Variants in SERPINI1 observed in about 807,000 individuals in gnomAD.
SERPINI1 encodes the protein neuroserpin.
SERPINI1 carries 19 observed loss-of-function variants against 41.1 expected under a neutral mutation model. The observed-to-expected ratio is 0.46, with a 90% CI of 0.32 to 0.68. The LOEUF is 0.68. Ranked by LOEUF, SERPINI1 falls within the 30% of genes least tolerant of loss-of-function variation. The pLI, the probability that SERPINI1 is intolerant of heterozygous loss-of-function variation, is 0.03. For synonymous variants in SERPINI1, 138 were observed against 156.6 expected (o/e 0.88, Z 0.89); for missense variants, 460 against 479.2 (o/e 0.96, Z 0.37).
chr3:167,791,901 G>A (rs1727528234), intron 3 of SERPINI1, among the ~76,000 whole-genome samples: 1 of 152,174 alleles, frequency 6.6e-6, no homozygotes, highest in Admixed American at 6.5e-5. Flanking sequence ...AAGTGGAGTG[G>A]ATCACTTGAG....
chr3:167,741,843 C>T (rs1032304864), intron 1 of SERPINI1, among the ~76,000 whole-genome samples: 7 of 152,160 alleles, frequency 4.6e-5, no homozygotes, highest in African/African-American at 1.7e-4. Flanking sequence ...TGTCCTTTGA[C>T]ATACAATACC....
chr3:167,774,823 G>A (rs968445967), intron 1 of SERPINI1, among the ~76,000 whole-genome samples: 3 of 151,996 alleles, frequency 2.0e-5, no homozygotes, highest in Non-Finnish European at 4.4e-5. Context: ...CCTGTCCCTG[G>A]TGCCCAAAAG....
intron 3 of SERPINI1, among the ~76,000 whole-genome samples, chr3:167,792,054 G>A (rs550770158): frequency 1.3e-5 from 2 of 152,290 alleles, no homozygotes; most frequent in East Asian, 3.9e-4. Context: ...GAACCCAGGA[G>A]ACAGAGTTTG....
intron 5 of SERPINI1, among the ~76,000 whole-genome samples, chr3:167,802,955 T>C (rs1311578016): frequency 6.6e-6 from 1 of 150,920 alleles, no homozygotes; most frequent in Non-Finnish European, 1.5e-5. Flanking sequence ...CCATAAAAAA[T>C]GATGAGTTCA....
chr3:167,744,701 TATATATA>T (rs1559992887), intron 1 of SERPINI1, among the ~76,000 whole-genome samples: 3 of 108,614 alleles, frequency 2.8e-5, no homozygotes, highest in African/African-American at 1.1e-4. Flanking sequence ...CATATATAAA[TATATATA>T]AAATATATAT....
At chr3:167,813,811 G>A (rs1418207082) in intron 6 of SERPINI1, among the ~76,000 whole-genome samples, 1 of 152,028 alleles carries the variant, frequency 6.6e-6, no homozygotes, top group Non-Finnish European at 1.5e-5. Context: ...ATACCGAGTG[G>A]GTGAGTGTTG....
chr3:167,821,770 C>G (rs930138625), intron 6 of SERPINI1, among the ~76,000 whole-genome samples: 3 of 152,146 alleles, frequency 2.0e-5, no homozygotes, highest in Non-Finnish European at 4.4e-5. Flanking sequence ...TGTAAATATA[C>G]AAACATATAT....
At chr3:167,811,717 T>C (rs906666407) in intron 6 of SERPINI1, among the ~76,000 whole-genome samples, 2 of 152,060 alleles carry the variant, frequency 1.3e-5, no homozygotes, top group Admixed American at 1.3e-4. Context: ...AAAAAACTTT[T>C]AAAAAATACC....
chr3:167,797,974 A>G lies in SERPINI1; in HGVS notation c.881+3150A>G, dbSNP rs76790536. Among the ~76,000 whole-genome samples, 984 of 152,212 alleles carry G rather than the reference A, an allele frequency of 6.5e-3. 7 individuals are homozygous for G. Among genetic ancestry groups the G allele is most frequent in the Middle Eastern group, 0.041 (12 of 294 alleles). On this transcript the variant is annotated intron_variant, in intron 5 of 8. Transcript: ENST00000446050. The stretch of plus-strand genomic sequence containing the variant: ...GAAGAATTCTTTTTGATAAAATGAG[A>G]AATTCAGTACAGTGTTAATGCTTCT...
rs1275755742 is a variant in SERPINI1, at chr3:167,789,269, C to G, written c.141C>G (p.Leu47=). 1 of 1,614,120 alleles carries G rather than the reference C, an allele frequency of 6.2e-7. No individual in the cohort carries two copies. Among genetic ancestry groups the G allele is most frequent in the Non-Finnish European group, 8.5e-7 (1 of 1,180,008 alleles). ...CCACTGGTGAAGATGAAAATATTCT[C>G]TTCTCTCCATTGAGTATTGCTCTTG... The part of the protein sequence containing the change: ...LRATGEDENI[L]FSPLSIALAM... Residue 47 remains leucine, a synonymous_variant, in exon 2 of 9, where the codon CTC becomes CTG. Coordinates refer to ENST00000446050, the MANE Select transcript of SERPINI1 (RefSeq NM_001122752.2).
chr3:167,813,905 G>A (rs922930265), intron 6 of SERPINI1, among the ~76,000 whole-genome samples: 1 of 152,238 alleles, frequency 6.6e-6, no homozygotes, highest in South Asian at 2.1e-4. Context: ...CAGCCACACA[G>A]CCCCTTCTTT....
intron 1 of SERPINI1, among the ~76,000 whole-genome samples, chr3:167,739,594 A>G (rs1402985944): frequency 6.6e-6 from 1 of 152,204 alleles, no homozygotes; most frequent in Non-Finnish European, 1.5e-5. Context: ...TCTTAATTTC[A>G]CAGACAGAAA....
chr3:167,805,246 G>T (rs1219552445), intron 5 of SERPINI1, among the ~76,000 whole-genome samples: 1 of 152,132 alleles, frequency 6.6e-6, no homozygotes, highest in Non-Finnish European at 1.5e-5. Context: ...CATTCTGACT[G>T]GCGTGAGATG....
chr3:167,799,752 G>A (rs1004703952), intron 5 of SERPINI1, among the ~76,000 whole-genome samples: 1 of 152,156 alleles, frequency 6.6e-6, no homozygotes. Flanking sequence ...GCATGAGATG[G>A]TGGTATCTTA....
At chr3:167,807,404 T>G in intron 6 of SERPINI1, 63 bp downstream of exon 6, 1 of 1,053,310 alleles carries the variant, frequency 9.5e-7, no homozygotes, top group Non-Finnish European at 1.5e-6. Flanking sequence ...AATGATGATA[T>G]TAAATCCTCT....
intron 6 of SERPINI1, among the ~76,000 whole-genome samples, chr3:167,817,964 A>C (rs1712171252): frequency 6.6e-6 from 1 of 152,052 alleles, no homozygotes; most frequent in East Asian, 1.9e-4. Flanking sequence ...CATTTTCAAA[A>C]TTATTCGCAT....
At chr3:167,814,339 T>TA (rs1304363378) in intron 6 of SERPINI1, among the ~76,000 whole-genome samples, 9 of 152,294 alleles carry the variant, frequency 5.9e-5, no homozygotes, top group African/African-American at 1.9e-4. Flanking sequence ...GCTGGTTTTG[T>TA]AAAAAATCTA....
At chr3:167,759,400 G>GTGTATGTATA (rs964402772) in intron 1 of SERPINI1, among the ~76,000 whole-genome samples, 3 of 121,110 alleles carry the variant, frequency 2.5e-5, no homozygotes, top group African/African-American at 9.1e-5. Flanking sequence ...AGAAAATGTG[G>GTGTATGTATA]TATATATATA....
intron 1 of SERPINI1, among the ~76,000 whole-genome samples, chr3:167,747,420 G>A (rs972007002): frequency 1.3e-5 from 2 of 152,130 alleles, no homozygotes; most frequent in Admixed American, 1.3e-4. Context: ...CGAGGCAGGC[G>A]GATCACGAGG....
Sources: allele counts gnomAD v4.1 joint callset (sites outside exome capture counted in the v4.1 genomes callset), GRCh38; gene constraint gnomAD v4.1.1; transcripts MANE v1.5; gene names NCBI Gene and HGNC (gene_info 2026-07-23, HGNC 2026-07-21).